RBMS1: variants seen among roughly 807,000 people sequenced by gnomAD.
The protein encoded by RBMS1 is RNA binding motif single stranded interacting protein 1.
RBMS1 carries 17 observed loss-of-function variants against 62.3 expected under a neutral mutation model. That is an observed-to-expected ratio of 0.27 (90% CI 0.19 to 0.41). The LOEUF (loss-of-function observed/expected upper bound fraction) is 0.41. RBMS1 is among the 10% of genes least tolerant of loss of function. The pLI is 1.00. For synonymous variants in RBMS1, 172 were observed against 170.0 expected (o/e 1.01, Z -0.09); for missense variants, 334 against 504.5 (o/e 0.66, Z 3.24).
chr2:160,426,299 AAGGAAGGAAG>A (rs1682608648), intron 1 of RBMS1, among the ~76,000 whole-genome samples: 2 of 29,554 alleles, frequency 6.8e-5, no homozygotes, highest in African/African-American at 2.4e-4. Context: ...GAAAAGAAAG[AAGGAAGGAAG>A]GAAGGAAGGA....
intron 1 of RBMS1, among the ~76,000 whole-genome samples, chr2:160,478,170 A>C (rs754274502): frequency 1.3e-5 from 2 of 152,258 alleles, no homozygotes; most frequent in Non-Finnish European, 2.9e-5. Flanking sequence ...TACACATACA[A>C]CTTAGGTTTC....
At chr2:160,395,283 G>C (rs1695075113) in intron 1 of RBMS1, among the ~76,000 whole-genome samples, 1 of 152,146 alleles carries the variant, frequency 6.6e-6, no homozygotes, top group Non-Finnish European at 1.5e-5. Context: ...ATCTTAGTAA[G>C]CACAATTAAG....
In RBMS1 at chr2:160,281,359, T is replaced by C. The variant is rs571024967; in HGVS notation, c.906A>G (p.Gln302=). ...IASPVSAYQV[Q]SPSWMQPQPY... ...GTTGAGGTTGCATCCACGAAGGACT[T>C]TGCACCTAGAAAAGGGAGGATTTTG... is the stretch of plus-strand genomic sequence containing the variant. The change falls in exon 10 of 14, where the codon CAA becomes CAG. Residue 302 remains glutamine (Q), a synonymous_variant. Transcript: ENST00000348849. 17 of 1,608,540 alleles carry C rather than the reference T, an allele frequency of 1.1e-5. No homozygotes were observed. Among genetic ancestry groups the C allele is most frequent in the African/African-American group, 8.0e-5 (6 of 74,876 alleles).
intron 2 of RBMS1, among the ~76,000 whole-genome samples, chr2:160,319,853 C>T (rs1472290278): frequency 6.6e-6 from 1 of 152,118 alleles, no homozygotes; most frequent in Non-Finnish European, 1.5e-5. Flanking sequence ...TCCTTATGTT[C>T]ACTCTGTGTA....
At chr2:160,385,909 T>A (rs1281698311) in intron 1 of RBMS1, among the ~76,000 whole-genome samples, 1 of 152,226 alleles carries the variant, frequency 6.6e-6, no homozygotes, top group East Asian at 1.9e-4. Context: ...ACTGAAAGGC[T>A]GGGTTTCTGT....
At chr2:160,279,121 T>C (rs1298747652) in intron 10 of RBMS1, 2 of 154,242 alleles carry the variant, frequency 1.3e-5, no homozygotes, top group African/African-American at 2.4e-5. Context: ...AAGATCAATA[T>C]AGTATTTTGT....
At chr2:160,368,625 T>C (rs1399820679) in intron 1 of RBMS1, among the ~76,000 whole-genome samples, 1 of 152,118 alleles carries the variant, frequency 6.6e-6, no homozygotes, top group Admixed American at 6.5e-5. Flanking sequence ...CATATGGGGA[T>C]CTCATTAATT....
In RBMS1 at chr2:160,286,984, T is replaced by C. The variant is rs202136965; in HGVS notation, c.741A>G (p.Glu247=). ...YIPNGRPWHR[E]GEVRLAGMTL... is the part of the protein sequence containing the mutation. Reference sequence around the variant, plus strand: ...AAGGACTTACAAGTCTCACCTCTCCTTCTCTATGCCATGGTCTTCCATTAG... The same window carrying C: ...AAGGACTTACAAGTCTCACCTCTCCCTCTCTATGCCATGGTCTTCCATTAG... The change falls in exon 7 of 14, where the codon GAA becomes GAG. Residue 247 remains glutamate (E), a synonymous_variant. Coordinates refer to ENST00000348849, the MANE Select transcript of RBMS1 (RefSeq NM_016836.4). The C allele has an allele frequency of 5.8e-5, 93 of 1,602,502 alleles. 1 individual carries two copies. In the South Asian group the frequency reaches 9.4e-4, roughly 16 times the overall value.
intron 7 of RBMS1, among the ~76,000 whole-genome samples, chr2:160,286,609 C>T (rs975555432): frequency 6.6e-5 from 10 of 152,016 alleles, no homozygotes; most frequent in South Asian, 2.1e-4. Flanking sequence ...TGTGAGCCAC[C>T]GCGCCTAGCC....
In RBMS1 at chr2:160,300,661, T is replaced by C. The variant is rs1256586770; in HGVS notation, c.630A>G (p.Pro210=). 3 of 1,601,758 alleles carry C rather than the reference T, an allele frequency of 1.9e-6. No homozygotes were observed. The highest frequency in any genetic ancestry group is 2.6e-6 in the Non-Finnish European group (3 of 1,175,264). Residue 210 remains proline (P), a synonymous_variant, in exon 6 of 14, where the codon CCA becomes CCG. Transcript: ENST00000348849. ...AGACAAACAACATACCAGAAACTCC[T>C]GGTGGTGTCTTAATAAATTTTCCAT... ...HFNGKFIKTP[P]GVSAPTEPLL... is the part of the protein sequence containing the mutation.
At chr2:160,299,441 C>G (rs1689101026) in intron 6 of RBMS1, among the ~76,000 whole-genome samples, 1 of 152,136 alleles carries the variant, frequency 6.6e-6, no homozygotes, top group Non-Finnish European at 1.5e-5. Context: ...ACGTTTCCCC[C>G]CATTTCGTCA....
intron 1 of RBMS1, among the ~76,000 whole-genome samples, chr2:160,374,130 C>T (rs753605871): frequency 5.3e-5 from 8 of 152,048 alleles, no homozygotes; most frequent in African/African-American, 9.7e-5. Flanking sequence ...TGGTGGCACA[C>T]GCCTGTAGTC....
At chr2:160,377,571 T>C (rs1694067351) in intron 1 of RBMS1, among the ~76,000 whole-genome samples, 1 of 152,136 alleles carries the variant, frequency 6.6e-6, no homozygotes, top group Non-Finnish European at 1.5e-5. Flanking sequence ...ATTCACACAG[T>C]GAGATAAAAA....
intron 9 of RBMS1, chr2:160,282,381 G>A: frequency 7.8e-7 from 1 of 1,280,630 alleles, no homozygotes; most frequent in South Asian, 1.2e-5. Context: ...CCCCATTGGG[G>A]TTGGTGGTTT....
At chr2:160,361,095 T>G (rs2106017221) in intron 2 of RBMS1, among the ~76,000 whole-genome samples, 1 of 152,342 alleles carries the variant, frequency 6.6e-6, no homozygotes, top group East Asian at 1.9e-4. Context: ...AAAAATTTAC[T>G]GAATCAAGAA....
chr2:160,465,770 T>C (rs1684660323), intron 1 of RBMS1, among the ~76,000 whole-genome samples: 1 of 151,810 alleles, frequency 6.6e-6, no homozygotes, highest in Non-Finnish European at 1.5e-5. Context: ...AAGCCTATGC[T>C]TGGGTCTGAT....
At chr2:160,415,934 TAAG>T (rs1320384952) in intron 1 of RBMS1, among the ~76,000 whole-genome samples, 1 of 151,892 alleles carries the variant, frequency 6.6e-6, no homozygotes, top group Non-Finnish European at 1.5e-5. Context: ...AAGGTTCAAA[TAAG>T]AAGATATGGA....
Position 160,493,458 on chromosome 2 carries a change from AGCGGCGGCGGCGGCGGCG to A in RBMS1, c.-113_-96del. ...CCTCTCCCTTTCCGGCGGCGGCGGC[AGCGGCGGCGGCGGCGGCG>A]GCTGCTGCTGCTGCCGCTGCTCCAC... On this transcript the variant is annotated 5_prime_UTR_variant, in exon 1 of 14. Transcript: ENST00000348849. The A allele has an allele frequency of 8.2e-7, 1 of 1,219,538 alleles. No homozygotes were observed. The highest frequency in any genetic ancestry group is 1.2e-6 in the Non-Finnish European group (1 of 848,116). 75.5% of individuals were successfully genotyped at this position (1,219,538 alleles called of 1,614,324 possible). A position where few individuals can be genotyped will look rare whatever the true frequency, so the allele number is the denominator to read the frequency against.
At chr2:160,471,386 T>C (rs1684903645) in intron 1 of RBMS1, among the ~76,000 whole-genome samples, 1 of 152,016 alleles carries the variant, frequency 6.6e-6, no homozygotes, top group African/African-American at 2.4e-5. Context: ...AGTATACATA[T>C]TAAAACTAGG....
Sources: allele counts gnomAD v4.1 joint callset (sites outside exome capture counted in the v4.1 genomes callset), GRCh38; gene constraint gnomAD v4.1.1; transcripts MANE v1.5; gene names NCBI Gene and HGNC (gene_info 2026-07-23, HGNC 2026-07-21).